Variants in UMAD1 observed in about 807,000 individuals in gnomAD.
The protein encoded by UMAD1 is UBAP1-MVB12-associated (UMA)-domain containing protein 1.
A neutral mutation model predicts 6.1 loss-of-function variants in UMAD1; 8 were observed. That is an observed-to-expected ratio of 1.30 (90% confidence interval 0.76 to 2.35). The LOEUF (loss-of-function observed/expected upper bound fraction) is 2.35. Among genes scored for constraint, UMAD1 ranks in the 30% most tolerant of loss-of-function variants. The pLI is 0.00. For synonymous variants in UMAD1, 56 were observed against 31.4 expected (o/e 1.78, Z -2.61); for missense variants, 130 against 78.4 (o/e 1.66, Z -2.49).
At chr7:7,863,677 C>T (rs2348765) in intron 3 of UMAD1, among the ~76,000 whole-genome samples, 21,832 of 152,104 alleles carry the variant, frequency 0.14, 2,225 homozygotes, top group Non-Finnish European at 0.2. Flanking sequence ...TTCCTTCTTG[C>T]ATCAAGAGCC....
At chr7:7,767,384 C>T (rs575569034) in intron 2 of UMAD1, among the ~76,000 whole-genome samples, 17 of 152,218 alleles carry the variant, frequency 1.1e-4, no homozygotes, top group Non-Finnish European at 2.1e-4. Flanking sequence ...CTCGGTCTCC[C>T]AAAGTGCTGA....
At chr7:7,813,717 T>C (rs1783069877) in intron 3 of UMAD1, among the ~76,000 whole-genome samples, 1 of 152,222 alleles carries the variant, frequency 6.6e-6, no homozygotes, top group African/African-American at 2.4e-5. Context: ...AAGAACATGC[T>C]GTTTATTTGT....
Position 7,776,086 on chromosome 7 carries a change from T to G in UMAD1, c.83-25584T>G, listed in dbSNP as rs539061701. ...AAAACAAAACTATTTTAAAAAATCA[T>G]AGAACTGCACACTGAAAAGGGTGAG... On this transcript the variant is annotated intron_variant, in intron 2 of 3. Coordinates refer to ENST00000682710, the MANE Select transcript of UMAD1 (RefSeq NM_001302348.2). Among the ~76,000 whole-genome samples the G allele has an allele frequency of 8.5e-5, 13 of 152,296 alleles. 1 individual carries two copies. In the East Asian group the frequency reaches 2.3e-3, roughly 27 times the overall value.
chr7:7,836,910 G>A lies in UMAD1; in HGVS notation c.156+35167G>A, dbSNP rs539716003. Among the ~76,000 whole-genome samples the A allele has an allele frequency of 1.5e-3, 227 of 151,134 alleles. 6 individuals are homozygous for A. The South Asian group carries it at 0.043, about 29-fold the overall frequency. ...AGAGACAAGGTCAGGGAATGGGGCA[G>A]GGACAATATATGAAAATTAGGAGCT... On this transcript the variant is annotated intron_variant, in intron 3 of 3. Coordinates refer to ENST00000682710, the MANE Select transcript of UMAD1 (RefSeq NM_001302348.2).
intron 2 of UMAD1, among the ~76,000 whole-genome samples, chr7:7,676,968 TA>T (rs1159460867): frequency 6.6e-6 from 1 of 152,206 alleles, no homozygotes; most frequent in Non-Finnish European, 1.5e-5. Flanking sequence ...ATATAATATC[TA>T]CTTTAGTCTC....
At chr7:7,662,315 G>A (rs1413287534) in intron 1 of UMAD1, among the ~76,000 whole-genome samples, 4 of 152,152 alleles carry the variant, frequency 2.6e-5, no homozygotes, top group South Asian at 4.1e-4. Context: ...CCAGGGCAGT[G>A]AATGGTTCTG....
chr7:7,870,843 T>C (rs1278094462), intron 3 of UMAD1, among the ~76,000 whole-genome samples: 1 of 152,226 alleles, frequency 6.6e-6, no homozygotes, highest in Non-Finnish European at 1.5e-5. Context: ...AGTTAAGAGA[T>C]AGATGCTGGA....
chr7:7,680,467 T>C (rs1779882267), intron 2 of UMAD1, among the ~76,000 whole-genome samples: 1 of 152,144 alleles, frequency 6.6e-6, no homozygotes, highest in Non-Finnish European at 1.5e-5. Flanking sequence ...TGAAGTCAGG[T>C]AGTGTGATTC....
chr7:7,833,762 C>A (rs1014833916), intron 3 of UMAD1, among the ~76,000 whole-genome samples: 7 of 152,144 alleles, frequency 4.6e-5, no homozygotes, highest in Non-Finnish European at 2.9e-5. Context: ...AACCATAGTT[C>A]TATGTATGTC....
At chr7:7,862,032 CATACTT>C (rs1180737854) in intron 3 of UMAD1, among the ~76,000 whole-genome samples, 1 of 152,094 alleles carries the variant, frequency 6.6e-6, no homozygotes, top group Non-Finnish European at 1.5e-5. Context: ...AAATATATAT[CATACTT>C]AGGTTATGAG....
chr7:7,870,134 G>C (rs933832472), intron 3 of UMAD1, among the ~76,000 whole-genome samples: 1 of 152,088 alleles, frequency 6.6e-6, no homozygotes, highest in Non-Finnish European at 1.5e-5. Context: ...TGATGAACAA[G>C]AAATAGTTTT....
chr7:7,750,206 G>T (rs560475787), intron 2 of UMAD1, among the ~76,000 whole-genome samples: 14 of 152,084 alleles, frequency 9.2e-5, no homozygotes, highest in Admixed American at 4.6e-4. Context: ...AAGAAGTCTA[G>T]GTAGTATTTA....
intron 2 of UMAD1, among the ~76,000 whole-genome samples, chr7:7,789,226 A>C (rs1782516890): frequency 1.3e-5 from 2 of 152,192 alleles, no homozygotes; most frequent in South Asian, 2.1e-4. Context: ...TCTTGTAGCC[A>C]GGTAGTAAGG....
intron 3 of UMAD1, among the ~76,000 whole-genome samples, chr7:7,842,503 G>C (rs10486192): frequency 0.034 from 5,115 of 151,746 alleles, 232 homozygotes; most frequent in East Asian, 0.21. Context: ...TCAAATTTTA[G>C]AATGACTTAT....
chr7:7,864,560 A>C (rs1204066937), intron 3 of UMAD1, among the ~76,000 whole-genome samples: 1 of 150,358 alleles, frequency 6.7e-6, no homozygotes, highest in Non-Finnish European at 1.5e-5. Flanking sequence ...AAACCAGGGT[A>C]CCTGAAGAAA....
At chr7:7,652,397 C>G (rs1219063540) in intron 1 of UMAD1, among the ~76,000 whole-genome samples, 2 of 152,168 alleles carry the variant, frequency 1.3e-5, no homozygotes, top group East Asian at 3.8e-4. Context: ...TAGTGTGTTT[C>G]TTTACATACA....
intron 3 of UMAD1, among the ~76,000 whole-genome samples, chr7:7,832,779 C>G (rs1016512930): frequency 6.6e-6 from 1 of 152,054 alleles, no homozygotes; most frequent in South Asian, 2.1e-4. Context: ...AAGAAAGGTG[C>G]TTCTGTCTGC....
rs138661360 is a variant in UMAD1 at position 7,848,797 on chromosome 7, T to G, written c.157-28484T>G. Among the ~76,000 whole-genome samples, 1,344 of 152,216 alleles carry G rather than the reference T, an allele frequency of 8.8e-3. 17 individuals are homozygous for G. The highest frequency in any genetic ancestry group is 0.03 in the African/African-American group (1,252 of 41,554). ...GGATTATTAGGTCAATTATCAGTAT[T>G]TTTGAAGGAAAGAATTTTTTAAGCT... On this transcript the variant is annotated intron_variant, in intron 3 of 3. Transcript: ENST00000682710.
intron 2 of UMAD1, among the ~76,000 whole-genome samples, chr7:7,795,365 G>A (rs1782656180): frequency 2.6e-5 from 4 of 152,194 alleles, no homozygotes; most frequent in South Asian, 4.1e-4. Flanking sequence ...TTCTGTGGAG[G>A]ATCAGAGCAG....
Sources: gnomAD v4.1 joint callset for allele counts (sites outside exome capture counted in the v4.1 genomes callset) on GRCh38, gnomAD v4.1.1 for gene constraint, MANE v1.5 for transcripts, NCBI Gene and HGNC (gene_info 2026-07-23, HGNC 2026-07-21) for gene names.